Variants in ZC3H11A observed in about 807,000 individuals in gnomAD.
ZC3H11A encodes the protein zinc finger CCCH-type containing 11A.
A neutral mutation model predicts 90.8 loss-of-function variants in ZC3H11A; 22 were observed. The observed-to-expected ratio is 0.24, with a 90% CI of 0.17 to 0.35. ZC3H11A has a LOEUF of 0.35. ZC3H11A is among the 10% of genes least tolerant of loss of function. The pLI is 1.00. For synonymous variants in ZC3H11A, 294 were observed against 339.8 expected (o/e 0.87, Z 1.48); for missense variants, 701 against 964.9 (o/e 0.73, Z 3.62).
intron 1 of ZC3H11A, chr1:203,799,201 T>G: frequency 9.2e-7 from 1 of 1,090,144 alleles, no homozygotes; most frequent in Non-Finnish European, 1.4e-6. Context: ...ATCCCTAGCT[T>G]CATTGTTTCT....
intron 9 of ZC3H11A, among the ~76,000 whole-genome samples, 195 bp downstream of exon 9, chr1:203,831,966 TCA>T (rs1355178791): frequency 6.6e-6 from 1 of 152,226 alleles, no homozygotes; most frequent in African/African-American, 2.4e-5. Context: ...CAAGCAGCCC[TCA>T]CATATATTTT....
rs757891569 is a variant in ZC3H11A, at chr1:203,831,702, C to T, written c.742C>T (p.Pro248Ser). 8 of 1,613,194 alleles carry T rather than the reference C, an allele frequency of 5.0e-6. No individual in the cohort carries two copies. Among genetic ancestry groups the T allele is most frequent in the Middle Eastern group, 3.3e-4 (2 of 6,050 alleles). The change falls in exon 9 of 18, where the codon CCC becomes TCC. Residue 248 changes from proline to serine, a missense_variant. Physicochemically the swap from Pro to Ser is moderately conservative, Grantham distance 74. Coordinates refer to ENST00000367210, the MANE Select transcript of ZC3H11A (RefSeq NM_001376342.1). ...TTCCAGTCTTTTACTCCACCCTGAG[C>T]CCGTTCCAGGTCCTGAAAAAGAAAA... Reference protein sequence around the residue: ...GVSSLLLHPEPVPGPEKENVR... With the variant: ...GVSSLLLHPESVPGPEKENVR...
Position 203,838,011 on chromosome 1 carries a change from T to C in ZC3H11A, c.920T>C (p.Leu307Pro), listed in dbSNP as rs1322776615. ...TTAAAGCGTAGCCTGGCACAGAGGC[T>C]AGGGAAGAAAGTTGAAGCTCCAGAA... ...PPLKRSLAQR[L>P]GKKVEAPETN... The change falls in exon 11 of 18, where the codon CTA becomes CCA. Residue 307 changes from leucine (L) to proline (P), a missense_variant. Coordinates refer to ENST00000367210, the MANE Select transcript of ZC3H11A (RefSeq NM_001376342.1). 1 of 1,614,180 alleles carries C rather than the reference T, an allele frequency of 6.2e-7. No homozygotes were observed. Among genetic ancestry groups the C allele is most frequent in the Non-Finnish European group, 8.5e-7 (1 of 1,180,018 alleles).
intron 2 of ZC3H11A, among the ~76,000 whole-genome samples, chr1:203,815,219 T>TTC (rs575430164): frequency 2.2e-4 from 28 of 129,618 alleles, no homozygotes; most frequent in South Asian, 5.2e-4. Flanking sequence ...TTCTTTTCTT[T>TTC]TTTTTTTTTT....
In ZC3H11A at chr1:203,852,176, C is replaced by G. The variant is rs1173329535; in HGVS notation, c.2210C>G (p.Ser737Cys). 8 of 1,613,514 alleles carry G rather than the reference C, an allele frequency of 5.0e-6. No individual in the cohort carries two copies. Among genetic ancestry groups the G allele is most frequent in the African/African-American group, 1.3e-5 (1 of 74,808 alleles). The change falls in exon 18 of 18, where the codon TCC becomes TGC. Residue 737 changes from serine to cysteine, a missense_variant. Coordinates refer to ENST00000367210, the MANE Select transcript of ZC3H11A (RefSeq NM_001376342.1). ...CCTCCAACCCAGTCCTCTTCAGATT[C>G]CTCACCCCCGGAGGTGTCTGGCCCT... ...VLPPTQSSSD[S>C]SPPEVSGPSS...
At position 203,853,460 on chromosome 1, in the gene ZC3H11A, T is replaced by C. The variant is rs904721579; in HGVS notation, c.*1061T>C. 6.6e-6 allele frequency: 1 copy of C among 152,614 alleles called. No individual in the cohort carries two copies. The highest frequency in any genetic ancestry group is 2.4e-5 in the African/African-American group (1 of 41,436). The allele number at this position is 152,614 out of a possible 1,614,324, so 9.5% of individuals were successfully genotyped here. A position where few individuals can be genotyped will look rare whatever the true frequency, so the allele number is the denominator to read the frequency against. ...CATTTCTGAATTGAGTTTTCTTTTCTTGATGTTGGTTTCCTTCATATCACC... is the reference window on the plus strand; with the variant it reads ...CATTTCTGAATTGAGTTTTCTTTTCCTGATGTTGGTTTCCTTCATATCACC... On this transcript the variant is annotated 3_prime_UTR_variant, in exon 18 of 18. Transcript: ENST00000367210.
chr1:203,843,071 C>T lies in ZC3H11A; in HGVS notation c.1042+2697C>T, dbSNP rs555702945. On this transcript the variant is annotated intron_variant, in intron 12 of 17. Transcript: ENST00000367210. ...CATTTGGATGTTAAAGTTATATTAGCATCATAAAAAGGGAGTCCGATGTTG... is the reference window on the plus strand; with the variant it reads ...CATTTGGATGTTAAAGTTATATTAGTATCATAAAAAGGGAGTCCGATGTTG... 1.4e-3 allele frequency among the ~76,000 whole-genome samples: 211 copies of T among 152,132 alleles called. 1 individual carries two copies. Among genetic ancestry groups the T allele is most frequent in the Middle Eastern group, 0.01 (3 of 294 alleles).
chr1:203,838,507 A>G (rs368072409), intron 11 of ZC3H11A, among the ~76,000 whole-genome samples: 1 of 152,258 alleles, frequency 6.6e-6, no homozygotes, highest in East Asian at 1.9e-4. Flanking sequence ...TAACTCCTGC[A>G]AAGGCAGAGC....
chr1:203,845,247 A>C lies in ZC3H11A; in HGVS notation c.1043-1937A>C, dbSNP rs12037548. 1.4e-4 allele frequency among the ~76,000 whole-genome samples: 21 copies of C among 152,064 alleles called. No individual in the cohort carries two copies. The East Asian group carries it at 3.5e-3, about 25-fold the overall frequency. ...GCTGGTGTGGATTTATTTTATTTTT[A>C]ATGTTTTATCATTTCAATGAAATTT... is the stretch of plus-strand genomic sequence containing the variant. On this transcript the variant is annotated intron_variant, in intron 12 of 17. Transcript: ENST00000367210.
chr1:203,805,895 G>C, intron 2 of ZC3H11A: 1 of 722,964 alleles, frequency 1.4e-6, no homozygotes. Context: ...TTCTCAATCT[G>C]GTCAGTTTTC....
At chr1:203,797,739 A>C in intron 1 of ZC3H11A, 1 of 1,535,528 alleles carries the variant, frequency 6.5e-7, no homozygotes, top group Non-Finnish European at 8.7e-7. Flanking sequence ...AATTAAGGGG[A>C]AAAGGCGTCG....
At chr1:203,808,788 A>G (rs1023557169) in intron 2 of ZC3H11A, among the ~76,000 whole-genome samples, 3 of 152,084 alleles carry the variant, frequency 2.0e-5, no homozygotes, top group Non-Finnish European at 1.5e-5. Context: ...CGTCGTCGTC[A>G]TCGCCATCTT....
rs184205232 is a variant in ZC3H11A at position 203,821,740 on chromosome 1, C to T, written c.174+3051C>T. On this transcript the variant is annotated intron_variant, in intron 4 of 17. Coordinates refer to ENST00000367210, the MANE Select transcript of ZC3H11A (RefSeq NM_001376342.1). ...AATGTATACACTTAACAGACATTTA[C>T]ATCATTATGGTTTTTGGTTTTGTTT... Among the ~76,000 whole-genome samples the T allele has an allele frequency of 4.4e-4, 67 of 151,746 alleles. No individual in the cohort carries two copies. The East Asian group carries it at 5.6e-3, about 13-fold the overall frequency.
In ZC3H11A at chr1:203,848,613, C is replaced by T. The variant is rs564552092; in HGVS notation, c.1623+206C>T. ...CTTTTAAAGTTTTTTGTTTGCCGGG[C>T]GCGGTGGCTCACGCCTGTAATCCCA... On this transcript the variant is annotated intron_variant, in intron 14 of 17. Transcript: ENST00000367210. Among the ~76,000 whole-genome samples the T allele has an allele frequency of 1.6e-4, 25 of 152,244 alleles. No homozygotes were observed. In the East Asian group the frequency reaches 2.5e-3, roughly 15 times the overall value.
chr1:203,819,082 A>ATG (rs1420873734), intron 4 of ZC3H11A, among the ~76,000 whole-genome samples: 16 of 64,900 alleles, frequency 2.5e-4, no homozygotes, highest in Non-Finnish European at 5.6e-4. Flanking sequence ...AAAAAAATAT[A>ATG]TATATATACA....
chr1:203,825,818 A>G (rs527516152), intron 4 of ZC3H11A, among the ~76,000 whole-genome samples: 1 of 152,192 alleles, frequency 6.6e-6, no homozygotes, highest in East Asian at 1.9e-4. Context: ...TTTTTTTACA[A>G]GTAAAAACTC....
chr1:203,799,719 A>G, intron 1 of ZC3H11A: 1 of 732,692 alleles, frequency 1.4e-6, no homozygotes, highest in South Asian at 1.5e-5. Context: ...TTTTCAAGTC[A>G]GAGGTATTAC....
In ZC3H11A at chr1:203,818,572, T is replaced by C. The variant is rs4951260; in HGVS notation, c.57T>C (p.Gly19=). 1,607,775 of 1,613,920 alleles carry C rather than the reference T, an allele frequency of 1. 801,022 individuals are homozygous for C. The highest frequency in any genetic ancestry group is 1 in the East Asian group (44,857 of 44,862). Residue 19 remains glycine (G), a splice_region_variant and synonymous_variant, in exon 4 of 18, where the codon GGT becomes GGC. Transcript: ENST00000367210. ...YFFFYSTCTK[G]DSCPFRHCEA... ...GAGTGTTCTCTATTTGTTTACAGGG[T>C]GACAGCTGCCCATTCCGTCACTGTG...
At chr1:203,815,596 A>G (rs1178358190) in intron 2 of ZC3H11A, among the ~76,000 whole-genome samples, 1 of 152,078 alleles carries the variant, frequency 6.6e-6, no homozygotes, top group African/African-American at 2.4e-5. Flanking sequence ...ATTATAATAC[A>G]TTCTAGAAAT....
Sources: gnomAD v4.1 joint callset for allele counts (sites outside exome capture counted in the v4.1 genomes callset) on GRCh38, gnomAD v4.1.1 for gene constraint, MANE v1.5 for transcripts, NCBI Gene and HGNC (gene_info 2026-07-23, HGNC 2026-07-21) for gene names.